PTPRA: variants seen among roughly 807,000 people sequenced by gnomAD.
PTPRA encodes the protein protein tyrosine phosphatase receptor type A.
Under a neutral mutation model 104.8 loss-of-function variants are expected in PTPRA, and 25 were observed. That is an observed-to-expected ratio of 0.24 (90% CI 0.17 to 0.33). The LOEUF (loss-of-function observed/expected upper bound fraction) is 0.33. Ranked by LOEUF, PTPRA falls within the 10% of genes least tolerant of loss-of-function variation. PTPRA has a pLI of 1.00. For synonymous variants in PTPRA, 323 were observed against 368.9 expected (o/e 0.88, Z 1.43); for missense variants, 765 against 1,015.3 (o/e 0.75, Z 3.35).
rs965221318 is a variant in PTPRA, at chr20:3,021,506, G to A, written c.1161+78G>A. On this transcript the variant is annotated intron_variant, in intron 14 of 23. Coordinates refer to ENST00000399903, the MANE Select transcript of PTPRA (RefSeq NM_001385305.1). ...AAGAGGGAACAGGCTGGATCATCCC[G>A]CTGTGGTCAGGAGTTGCTGAGTATG... is the stretch of plus-strand genomic sequence containing the variant. 6.2e-5 allele frequency: 97 copies of A among 1,571,830 alleles called. 1 individual carries two copies. The highest frequency in any genetic ancestry group is 2.9e-4 in the Admixed American group (17 of 57,646).
chr20:2,954,576 C>G (rs2061469872), intron 3 of PTPRA, among the ~76,000 whole-genome samples: 1 of 152,128 alleles, frequency 6.6e-6, no homozygotes, highest in African/African-American at 2.4e-5. Flanking sequence ...GTTGTAGGAG[C>G]TCTTTGTATA....
chr20:2,965,737 G>T (rs1407002177), intron 5 of PTPRA, among the ~76,000 whole-genome samples: 2 of 152,204 alleles, frequency 1.3e-5, no homozygotes, highest in Non-Finnish European at 2.9e-5. Context: ...CAGGCCAGTG[G>T]CCAGGGGTGG....
chr20:3,029,505 C>T (rs918322914), intron 20 of PTPRA, among the ~76,000 whole-genome samples: 1 of 144,144 alleles, frequency 6.9e-6, no homozygotes, highest in Non-Finnish European at 1.5e-5. Context: ...TATCATGTAC[C>T]TAATCAACAG....
At chr20:2,972,874 T>A (rs1344809482) in intron 5 of PTPRA, among the ~76,000 whole-genome samples, 1 of 151,990 alleles carries the variant, frequency 6.6e-6, no homozygotes, top group East Asian at 1.9e-4. Context: ...TGTTCCACCA[T>A]GCCCAGCTAA....
chr20:2,897,023 A>G (rs924881530), intron 1 of PTPRA, among the ~76,000 whole-genome samples: 1 of 152,208 alleles, frequency 6.6e-6, no homozygotes, highest in African/African-American at 2.4e-5. Context: ...TAGGTTATGC[A>G]TTTGTGGCAG....
chr20:3,014,254 G>A (rs2064324268), intron 11 of PTPRA, among the ~76,000 whole-genome samples: 1 of 152,160 alleles, frequency 6.6e-6, no homozygotes, highest in South Asian at 2.1e-4. Flanking sequence ...TTTTGTTGCT[G>A]ACTAAACATA....
Position 3,038,505 on chromosome 20 carries a change from A to T in PTPRA, c.*372A>T. 1 of 266,596 alleles carries T rather than the reference A, an allele frequency of 3.8e-6. No individual in the cohort carries two copies. The highest frequency in any genetic ancestry group is 7.3e-6 in the Non-Finnish European group (1 of 136,980). The allele number at this position is 266,596 out of a possible 1,614,324, so 16.5% of individuals were successfully genotyped here. ...CACAAAGTTCTCAGAGCTCTCGAGGAAAGTGGTTGTCCCCGTACCACCATG... is the reference window on the plus strand; with the variant it reads ...CACAAAGTTCTCAGAGCTCTCGAGGTAAGTGGTTGTCCCCGTACCACCATG... On this transcript the variant is annotated 3_prime_UTR_variant, in exon 24 of 24. Coordinates refer to ENST00000399903, the MANE Select transcript of PTPRA (RefSeq NM_001385305.1).
At chr20:3,023,840 C>G (rs2065005511) in intron 16 of PTPRA, among the ~76,000 whole-genome samples, 1 of 152,250 alleles carries the variant, frequency 6.6e-6, no homozygotes, top group Admixed American at 6.5e-5. Context: ...TTTCCTCAGT[C>G]TCTCGTCCCA....
At position 3,037,959 on chromosome 20, in the gene PTPRA, T is replaced by C. The variant is rs2065885779; in HGVS notation, c.2335-100T>C. The C allele has an allele frequency of 1.9e-6, 2 of 1,048,160 alleles. No individual in the cohort carries two copies. Among genetic ancestry groups the C allele is most frequent in the Non-Finnish European group, 2.9e-6 (2 of 686,450 alleles). The allele number at this position is 1,048,160 out of a possible 1,614,324, so 64.9% of individuals were successfully genotyped here. A position where few individuals can be genotyped will look rare whatever the true frequency, so the allele number is the denominator to read the frequency against. On this transcript the variant is annotated intron_variant, in intron 23 of 23. Coordinates refer to ENST00000399903, the MANE Select transcript of PTPRA (RefSeq NM_001385305.1). This position sits in a 1 kb window ranked among gnomAD's most constrained non-coding sequence, Gnocchi z 4.3. ...AAAGTTCAAAAACATTCAGTTCCTC[T>C]TGATTTTCCATCTTCAACAAAAAAA...
In PTPRA at chr20:2,898,934, T is replaced by C. The variant is rs187288553; in HGVS notation, c.-128-24273T>C. On this transcript the variant is annotated intron_variant, in intron 1 of 23. Transcript: ENST00000399903. ...AATCAATAATTTTATCAGGGAACCC[T>C]GGTTCCTTTTATTAGTGAATGTACT... Among the ~76,000 whole-genome samples, 175 of 152,372 alleles carry C rather than the reference T, an allele frequency of 1.1e-3. 2 individuals carry two copies. The highest frequency in any genetic ancestry group is 1.9e-3 in the Non-Finnish European group (132 of 68,042).
At chr20:3,033,913 A>G (rs2065662991) in intron 20 of PTPRA, among the ~76,000 whole-genome samples, 1 of 151,776 alleles carries the variant, frequency 6.6e-6, no homozygotes, top group Non-Finnish European at 1.5e-5. Flanking sequence ...AAAAAAAAAA[A>G]AAAAAAATCC....
intron 1 of PTPRA, among the ~76,000 whole-genome samples, chr20:2,874,919 A>G (rs1411321794): frequency 6.6e-6 from 1 of 151,774 alleles, no homozygotes; most frequent in African/African-American, 2.4e-5. Flanking sequence ...GCCCCCTCAC[A>G]TGTTGGGATG....
intron 9 of PTPRA, among the ~76,000 whole-genome samples, chr20:3,002,499 T>G (rs2148272753): frequency 6.6e-6 from 1 of 152,084 alleles, no homozygotes; most frequent in Non-Finnish European, 1.5e-5. Flanking sequence ...GCTAATTTTT[T>G]GTATTTTTAG....
chr20:2,966,505 A>T (rs1004653621), intron 5 of PTPRA, among the ~76,000 whole-genome samples: 2 of 152,212 alleles, frequency 1.3e-5, no homozygotes, highest in Non-Finnish European at 2.9e-5. Flanking sequence ...AGTAAAATAT[A>T]TGAAGGTACC....
In PTPRA at chr20:3,037,802, C is replaced by G. The variant is rs2065876852; in HGVS notation, c.2335-257C>G. ...ATGCTCAGCTGCACTGTCTCCCAGC[C>G]CAGCACATGCCTGTCTGACCTCTGT... On this transcript the variant is annotated intron_variant, in intron 23 of 23. Coordinates refer to ENST00000399903, the MANE Select transcript of PTPRA (RefSeq NM_001385305.1). The surrounding 1 kb of genome is among the most constrained non-coding windows in gnomAD (Gnocchi z 4.3). 6.6e-6 allele frequency among the ~76,000 whole-genome samples: 1 copy of G among 152,126 alleles called. No homozygotes were observed. The highest frequency in any genetic ancestry group is 1.5e-5 in the Non-Finnish European group (1 of 68,034).
At chr20:2,984,183 A>G (rs1273371212) in intron 6 of PTPRA, among the ~76,000 whole-genome samples, 1 of 152,110 alleles carries the variant, frequency 6.6e-6, no homozygotes, top group Non-Finnish European at 1.5e-5. Flanking sequence ...AGCGTCATGT[A>G]ATGTCTTCCA....
chr20:2,865,917 T>C, the PTPRA span: 1 of 489,184 alleles, frequency 2.0e-6, no homozygotes, highest in Non-Finnish European at 3.7e-6. The surrounding 1 kb of genome is among the most constrained non-coding windows in gnomAD (Gnocchi z 5.2). Flanking sequence ...ACACAGGAAA[T>C]GTGAGGGCTG....
rs1025328930 is a variant in PTPRA, at chr20:3,035,261, C to A, written c.1921-324C>A. ...GTAAGCAGCATTAAATATGAAAACACCCCATGGGAGAAAAAGAAAGGAATT... is the reference window on the plus strand; with the variant it reads ...GTAAGCAGCATTAAATATGAAAACAACCCATGGGAGAAAAAGAAAGGAATT... On this transcript the variant is annotated intron_variant, in intron 20 of 23. Coordinates refer to ENST00000399903, the MANE Select transcript of PTPRA (RefSeq NM_001385305.1). The surrounding 1 kb of genome is among the most constrained non-coding windows in gnomAD (Gnocchi z 5.8). Among the ~76,000 whole-genome samples the A allele has an allele frequency of 1.3e-5, 2 of 152,126 alleles. No homozygotes were observed. The highest frequency in any genetic ancestry group is 2.9e-5 in the Non-Finnish European group (2 of 68,016).
chr20:3,007,415 A>G lies in PTPRA; in HGVS notation c.901A>G (p.Ile301Val). 1 of 1,613,822 alleles carries G rather than the reference A, an allele frequency of 6.2e-7. No individual in the cohort carries two copies. Among genetic ancestry groups the G allele is most frequent in the African/African-American group, 1.3e-5 (1 of 75,046 alleles). ...PDSDYINASF[I>V]NGYQEKNKFI... Reference sequence around the variant, plus strand: ...TTCTGATTACATCAATGCTTCATTCATCAACGTAAGGATCGGGTGCTTTCC... The same window carrying G: ...TTCTGATTACATCAATGCTTCATTCGTCAACGTAAGGATCGGGTGCTTTCC... Residue 301 changes from isoleucine (I) to valine (V), a missense_variant, in exon 11 of 24, where the codon ATC becomes GTC. Ile to Val is a conservative substitution (Grantham distance 29, BLOSUM62 3). Transcript: ENST00000399903.
Sources: allele counts gnomAD v4.1 joint callset (sites outside exome capture counted in the v4.1 genomes callset), GRCh38; gene constraint gnomAD v4.1.1; non-coding constraint Gnocchi (gnomAD v3.1); transcripts MANE v1.5; gene names NCBI Gene and HGNC (gene_info 2026-07-23, HGNC 2026-07-21).